ZNF57: variants seen among roughly 807,000 people sequenced by gnomAD.
The protein encoded by ZNF57 is zinc finger protein 424.
In ZNF57, 11 loss-of-function variants were observed where a neutral mutation model predicts 13.4. The observed-to-expected ratio is 0.82, with a 90% confidence interval of 0.52 to 1.36. The LOEUF is 1.36. Ranked by LOEUF, ZNF57 falls within the 40% of genes most tolerant of loss-of-function variation. ZNF57 has a pLI of 0.00. For missense variants in ZNF57, 696 were observed against 667.5 expected, an observed-to-expected ratio of 1.04 and a Z score of -0.47; for synonymous variants, 224 against 238.5, an observed-to-expected ratio of 0.94 and a Z score of 0.56.
At chr19:2,902,591 T>C in intron 1 of ZNF57, among the ~76,000 whole-genome samples, 1 of 152,096 alleles carries the variant, frequency 6.6e-6, no homozygotes, top group East Asian at 1.9e-4. Context: ...AGACAAAAAA[T>C]AATAGTTATT....
chr19:2,907,555 T>A (rs909801428), intron 1 of ZNF57, among the ~76,000 whole-genome samples: 1 of 152,344 alleles, frequency 6.6e-6, no homozygotes, highest in South Asian at 2.1e-4. Flanking sequence ...TCTTTTCCAT[T>A]GGTTCGTTTG....
In ZNF57 at chr19:2,912,325, G is replaced by T. The variant is rs563809461; in HGVS notation, c.4-3197G>T. ...CTGATCAAATAGTTTTAAGGGAAAG[G>T]CCCGGTGAGAAAGAGCAGAAATATC... On this transcript the variant is annotated intron_variant, in intron 1 of 3. Transcript: ENST00000306908. 3.3e-5 allele frequency: 5 copies of T among 152,312 alleles called. No homozygotes were observed. In the South Asian group the frequency reaches 1.0e-3, roughly 32 times the overall value. The allele number at this position is 152,312 out of a possible 1,614,324, so 9.4% of individuals were successfully genotyped here.
rs1555677398 is a variant in ZNF57, at chr19:2,905,415, C to CCG, written c.3+4368_3+4369insGC. 1.1e-4 allele frequency among the ~76,000 whole-genome samples: 8 copies of CCG among 71,808 alleles called. 3 individuals carry two copies. Among genetic ancestry groups the CCG allele is most frequent in the Non-Finnish European group, 3.2e-4 (8 of 24,886 alleles). 47.1% of individuals were successfully genotyped at this position (71,808 alleles called of 152,430 possible). A position where few individuals can be genotyped will look rare whatever the true frequency, so the allele number is the denominator to read the frequency against. On this transcript the variant is annotated intron_variant, in intron 1 of 3. Transcript: ENST00000306908. ...CTTGACTTCAGGTGATCGCCCCCCC[C>CCG]CCCTCGGCATTCCAAAGTATTTGCA... is the stretch of plus-strand genomic sequence containing the variant.
In ZNF57 at chr19:2,917,238, A is replaced by C; in HGVS notation, c.617A>C (p.Gln206Pro). The C allele has an allele frequency of 6.2e-7, 1 of 1,614,170 alleles. No individual in the cohort carries two copies. Among genetic ancestry groups the C allele is most frequent in the Non-Finnish European group, 8.5e-7 (1 of 1,179,982 alleles). ...TGTCAAGCATGTGGGCAAACTTTCC[A>C]ACATCCTCGTTACCTCTCCCACCAC... ...YKCQACGQTF[Q>P]HPRYLSHHVK... Residue 206 changes from glutamine to proline, a missense_variant, in exon 4 of 4, where the codon CAA becomes CCA. Around this residue, in one of 3 missense-constraint regions of ZNF57, gnomAD observed 645 missense variants for 591.5 expected, o/e 1.09. Coordinates refer to ENST00000306908, the MANE Select transcript of ZNF57 (RefSeq NM_173480.3).
At chr19:2,913,355 T>C (rs753403765) in intron 1 of ZNF57, among the ~76,000 whole-genome samples, 1 of 152,248 alleles carries the variant, frequency 6.6e-6, no homozygotes, top group Non-Finnish European at 1.5e-5. Context: ...TATTTATTAT[T>C]TCCTTACTCC....
intron 1 of ZNF57, among the ~76,000 whole-genome samples, chr19:2,914,483 G>A (rs1002204869): frequency 2.6e-5 from 4 of 152,088 alleles, no homozygotes; most frequent in Non-Finnish European, 4.4e-5. Flanking sequence ...TCAAACTCCC[G>A]ACCTCAGGTG....
intron 1 of ZNF57, among the ~76,000 whole-genome samples, chr19:2,903,818 C>T (rs1037315365): frequency 6.6e-6 from 1 of 151,950 alleles, no homozygotes; most frequent in Non-Finnish European, 1.5e-5. Flanking sequence ...GGGGTTCACG[C>T]CATTCTCCTG....
At position 2,918,071 on chromosome 19, in the gene ZNF57, AC is replaced by A. The variant is rs1222961209; in HGVS notation, c.1452del (p.Phe485SerfsTer11). ...KPYECKQCGK[T>X]FTWSSTLHNH... Reference sequence around the variant, plus strand: ...TTATGAGTGTAAACAATGTGGAAAAACCTTCACTTGGTCCTCAACCTTACAT... The same window carrying A: ...TTATGAGTGTAAACAATGTGGAAAAACTTCACTTGGTCCTCAACCTTACAT... On this transcript the variant is annotated frameshift_variant, in exon 4 of 4. Transcript: ENST00000306908. LOFTEE classifies it low-confidence loss of function (END_TRUNC). 1.2e-6 allele frequency: 2 copies of A among 1,613,060 alleles called. No individual in the cohort carries two copies. The highest frequency in any genetic ancestry group is 3.3e-5 in the Admixed American group (2 of 59,902).
At chr19:2,916,702 T>G in intron 3 of ZNF57, 1 of 357,890 alleles carries the variant, frequency 2.8e-6, no homozygotes, top group Non-Finnish European at 5.0e-6. Context: ...GGTGACAGAG[T>G]GAGACTCCAT....
chr19:2,901,830 A>G (rs1044343126), intron 1 of ZNF57, among the ~76,000 whole-genome samples: 1 of 152,054 alleles, frequency 6.6e-6, no homozygotes, highest in African/African-American at 2.4e-5. Context: ...ATTAGTCCTT[A>G]TAGGTTTGGG....
chr19:2,912,646 T>C (rs748706735), intron 1 of ZNF57, among the ~76,000 whole-genome samples: 3 of 152,186 alleles, frequency 2.0e-5, no homozygotes, highest in Non-Finnish European at 2.9e-5. Context: ...AGCTTTTTGT[T>C]ACAAGGGAAT....
At chr19:2,908,744 G>C (rs1479125954) in intron 1 of ZNF57, among the ~76,000 whole-genome samples, 1 of 152,000 alleles carries the variant, frequency 6.6e-6, no homozygotes, top group Admixed American at 6.6e-5. Flanking sequence ...CAAGACCACA[G>C]TCAACTTGAG....
Position 2,917,101 on chromosome 19 carries a change from G to A in ZNF57, c.480G>A (p.Lys160=). ...TTTCTTCTCTTAAAAGGCACGTCAA[G>A]TCTCACTGTGGACGAAAAGCACCTC... is the stretch of plus-strand genomic sequence containing the variant. ...THLSSLKRHV[K]SHCGRKAPPG... The change falls in exon 4 of 4, where the codon AAG becomes AAA. Residue 160 remains lysine (K), a synonymous_variant. Coordinates refer to ENST00000306908, the MANE Select transcript of ZNF57 (RefSeq NM_173480.3). 1 of 1,614,072 alleles carries A rather than the reference G, an allele frequency of 6.2e-7. No individual in the cohort carries two copies. Among genetic ancestry groups the A allele is most frequent in the East Asian group, 2.2e-5 (1 of 44,880 alleles).
At chr19:2,911,443 G>A (rs1281168996) in intron 1 of ZNF57, among the ~76,000 whole-genome samples, 1 of 151,914 alleles carries the variant, frequency 6.6e-6, no homozygotes, top group Non-Finnish European at 1.5e-5. Context: ...TGATGCGGGA[G>A]AATCTCCTGA....
At chr19:2,901,192 C>A in intron 1 of ZNF57, 144 bp downstream of exon 1, 1 of 1,171,704 alleles carries the variant, frequency 8.5e-7, no homozygotes, top group Non-Finnish European at 1.1e-6. Context: ...CCGGGGACGC[C>A]ATCACAGCGG....
At chr19:2,911,207 G>A (rs2088131752) in intron 1 of ZNF57, among the ~76,000 whole-genome samples, 1 of 151,940 alleles carries the variant, frequency 6.6e-6, no homozygotes, top group South Asian at 2.1e-4. Context: ...GGACCACAGG[G>A]TATATGCCTC....
chr19:2,916,073 T>A lies in ZNF57; in HGVS notation c.131-5T>A, dbSNP rs751600727. ...TTTTGAGATTTGTTTACTTTTTTGT[T>A]GCAGATGATGGGACTCAATTTAAAG... On this transcript the variant is annotated splice_polypyrimidine_tract_variant and splice_region_variant and intron_variant, in intron 2 of 3. Coordinates refer to ENST00000306908, the MANE Select transcript of ZNF57 (RefSeq NM_173480.3). 6.2e-7 allele frequency: 1 copy of A among 1,604,700 alleles called. No individual in the cohort carries two copies. The highest frequency in any genetic ancestry group is 1.3e-5 in the African/African-American group (1 of 74,388).
chr19:2,909,101 C>G (rs1192370440), intron 1 of ZNF57, among the ~76,000 whole-genome samples: 2 of 151,938 alleles, frequency 1.3e-5, no homozygotes, highest in African/African-American at 4.8e-5. Context: ...ATCAGTTGAT[C>G]AACTTTGAGT....
At chr19:2,915,478 TCA>T (rs752666616) in intron 1 of ZNF57, 42 bp from the exon 2 acceptor site, 1 of 1,598,838 alleles carries the variant, frequency 6.3e-7, no homozygotes, top group South Asian at 1.1e-5. Context: ...CCCAGTACTT[TCA>T]GTGTCTCCAA....
Sources: gnomAD v4.1 joint callset for allele counts (sites outside exome capture counted in the v4.1 genomes callset) on GRCh38, gnomAD v4.1.1 for gene constraint, gnomAD v4.1.1 regional missense constraint, MANE v1.5 for transcripts, NCBI Gene and HGNC (gene_info 2026-07-23, HGNC 2026-07-21) for gene names.